Variants in CCDC120 observed in about 807,000 individuals in gnomAD.
CCDC120 encodes coiled-coil domain-containing protein 120.
CCDC120 carries 16 observed loss-of-function variants against 37.6 expected under a neutral mutation model. That is an observed-to-expected ratio of 0.43 (90% CI 0.29 to 0.65). The LOEUF (loss-of-function observed/expected upper bound fraction) is 0.65. Ranked by LOEUF, CCDC120 falls within the 30% of genes least tolerant of loss-of-function variation. The probability of loss-of-function intolerance (pLI) is 0.18; values close to 1 mark genes in which losing one functional copy is unlikely to be tolerated. For missense variants in CCDC120, 650 were observed against 657.4 expected (o/e 0.99, Z 0.12); for synonymous variants, 309 against 275.4 (o/e 1.12, Z -1.21).
chrX:49,067,806 T>A lies in CCDC120; in HGVS notation c.1692T>A (p.His564Gln). 8.4e-7 allele frequency: 1 copy of A among 1,191,328 alleles called. No individual in the cohort carries two copies. Among genetic ancestry groups the A allele is most frequent in the South Asian group, 1.8e-5 (1 of 54,430 alleles). The change falls in exon 10 of 11, where the codon CAT becomes CAA. Residue 564 changes from histidine (H) to glutamine (Q), a missense_variant. Around this residue, in one of 3 missense-constraint regions of CCDC120, gnomAD observed 576 missense variants for 565.3 expected, o/e 1.02. Coordinates refer to ENST00000603986, the MANE Select transcript of CCDC120 (RefSeq NM_001163321.4). ...AGGCTGCCGAAGGCCCTGAGGTGCA[T>A]CCAAACCCTCTGCTGTGGATGCCCC... ...PPEAAEGPEV[H>Q]PNPLLWMPPP...
Position 49,065,764 on chromosome X carries a change from C to T in CCDC120, c.980C>T (p.Pro327Leu), listed in dbSNP as rs1557081017. 8.5e-7 allele frequency: 1 copy of T among 1,173,840 alleles called. No individual in the cohort carries two copies. Among genetic ancestry groups the T allele is most frequent in the Admixed American group, 2.5e-5 (1 of 39,808 alleles). ...CTGTCTAGCCCCACACGCTCGCTGC[C>T]CAGGAGTGCCTCCAGTTTTGAGGGG... ...ASPTSPTRSL[P>L]RSASSFEGRS... is the part of the protein sequence containing the mutation. The change falls in exon 9 of 11, where the codon CCC (proline) becomes CTC (leucine). Residue 327 changes from proline (P) to leucine (L), a missense_variant. Transcript: ENST00000603986.
Position 49,068,871 on chromosome X carries a change from C to T in CCDC120, c.*213C>T. On this transcript the variant is annotated 3_prime_UTR_variant, in exon 11 of 11. Transcript: ENST00000603986. ...TGTGCTGGGGACTGGGGGCCCTCAG[C>T]TAGCTTAAAAGAGGGGGGATGATGT... is the stretch of plus-strand genomic sequence containing the variant. 6.6e-6 allele frequency: 2 copies of T among 303,222 alleles called. No homozygotes were observed. Among genetic ancestry groups the T allele is most frequent in the Non-Finnish European group, 1.1e-5 (2 of 178,846 alleles). 25.0% of individuals were successfully genotyped at this position (303,222 alleles called of 1,213,427 possible). A position where few individuals can be genotyped will look rare whatever the true frequency, so the allele number is the denominator to read the frequency against.
chrX:49,062,613 G>T lies in CCDC120; in HGVS notation c.288+12G>T. The T allele has an allele frequency of 8.3e-7, 1 of 1,203,442 alleles. No individual in the cohort carries two copies. Among genetic ancestry groups the T allele is most frequent in the Non-Finnish European group, 1.1e-6 (1 of 891,932 alleles). On this transcript the variant is annotated intron_variant, in intron 4 of 10. Coordinates refer to ENST00000603986, the MANE Select transcript of CCDC120 (RefSeq NM_001163321.4). ...GTCTCCAGGAGGCGGTGAGGGCCTG[G>T]CCCTAGGGGTATCAGGCGGGGAGGT...
rs1034740179 is a variant in CCDC120, at chrX:49,059,024, C to G, written c.-155C>G. ...ACTGCTGCTGACTGCCACTACCAGC[C>G]GGAGCCAGGGCCTGGTCGAGACAAC... On this transcript the variant is annotated 5_prime_UTR_variant, in exon 1 of 11. Transcript: ENST00000603986. 8.9e-6 allele frequency: 1 copy of G among 112,690 alleles called. No individual in the cohort carries two copies. The allele number at this position is 112,690 out of a possible 1,213,427, so 9.3% of individuals were successfully genotyped here.
chrX:49,068,725 G>A lies in CCDC120; in HGVS notation c.*67G>A, dbSNP rs1362997226. ...ATCTGGGGAGCACACAGCTGACCTC[G>A]CTGGGCCCTGGGGTGTGGTTGCTCT... On this transcript the variant is annotated 3_prime_UTR_variant, in exon 11 of 11. Transcript: ENST00000603986. 7 of 1,005,318 alleles carry A rather than the reference G, an allele frequency of 7.0e-6. No individual in the cohort carries two copies. Among genetic ancestry groups the A allele is most frequent in the South Asian group, 3.2e-5 (1 of 31,409 alleles). The allele number at this position is 1,005,318 out of a possible 1,213,427, so 82.8% of individuals were successfully genotyped here.
rs782385920 is a variant in CCDC120, at chrX:49,064,471, G to T, written c.531G>T (p.Gln177His). The T allele has an allele frequency of 5.1e-6, 6 of 1,179,169 alleles. 1 individual carries two copies. The South Asian group carries it at 9.4e-5, about 18-fold the overall frequency. ...TGGCCCCTGATCTGAGCACCGAGCA[G>T]CGCCGGCGCCGGCGCCAGGTCCAGG... Reference protein sequence around the residue: ...LALAPDLSTEQRRRRRQVQAD... With the variant: ...LALAPDLSTEHRRRRRQVQAD... The change falls in exon 6 of 11, where the codon CAG becomes CAT. Residue 177 changes from glutamine (Q) to histidine (H), a missense_variant. Gln to His is a conservative substitution (Grantham distance 24). Around this residue, in one of 3 missense-constraint regions of CCDC120, gnomAD observed 576 missense variants for 565.3 expected, o/e 1.02. Coordinates refer to ENST00000603986, the MANE Select transcript of CCDC120 (RefSeq NM_001163321.4).
exon 1 of CCDC120, chrX:49,053,593 G>A (rs916957574): frequency 8.8e-6 from 1 of 113,243 alleles, no homozygotes; most frequent in Non-Finnish European, 1.9e-5. Flanking sequence ...TAGGCTGAGC[G>A]GCGGAGGTGG....
intron 9 of CCDC120, among the ~76,000 whole-genome samples, chrX:49,066,069 A>G (rs188459975): frequency 1.8e-4 from 20 of 111,820 alleles, no homozygotes; most frequent in African/African-American, 6.5e-4. Context: ...CTAAAAATAC[A>G]AAAATTAGCT....
rs782812084 is a variant in CCDC120, at chrX:49,065,023, C to A, written c.725-13C>A. 8.3e-7 allele frequency: 1 copy of A among 1,210,241 alleles called. No homozygotes were observed. The highest frequency in any genetic ancestry group is 2.2e-5 in the Admixed American group (1 of 46,012). On this transcript the variant is annotated splice_polypyrimidine_tract_variant and intron_variant, in intron 6 of 10. Transcript: ENST00000603986. ...GGGAGTGAGAGGCCCACTTCTCCCC[C>A]TCTCACCTGTAGAGGACGTAGTTCT...
chrX:49,064,782 C>T (rs2064932917), intron 6 of CCDC120, 118 bp downstream of exon 6: 6 of 882,104 alleles, frequency 6.8e-6, no homozygotes, highest in Admixed American at 3.5e-5. Context: ...TGGCCCAACC[C>T]GTGAGAAGAG....
chrX:49,061,968 G>A lies in CCDC120; in HGVS notation c.-74G>A. ...AATTCTCCTTCCCCAGGCAAGACTC[G>A]TGGCTGTGACCCATGGGCCTCTGAG... On this transcript the variant is annotated 5_prime_UTR_variant, in exon 2 of 11. The change creates a new upstream start codon in the 5' untranslated region. Transcript: ENST00000603986. The A allele has an allele frequency of 8.8e-7, 1 of 1,136,440 alleles. No individual in the cohort carries two copies. Among genetic ancestry groups the A allele is most frequent in the Admixed American group, 2.8e-5 (1 of 35,942 alleles). The allele number at this position is 1,136,440 out of a possible 1,213,427, so 93.7% of individuals were successfully genotyped here.
Position 49,065,022 on chromosome X carries a change from C to T in CCDC120, c.725-14C>T. On this transcript the variant is annotated splice_polypyrimidine_tract_variant and intron_variant, in intron 6 of 10. Transcript: ENST00000603986. ...TGGGAGTGAGAGGCCCACTTCTCCC[C>T]CTCTCACCTGTAGAGGACGTAGTTC... 1.7e-6 allele frequency: 2 copies of T among 1,209,938 alleles called. No individual in the cohort carries two copies. The highest frequency in any genetic ancestry group is 2.2e-6 in the Non-Finnish European group (2 of 894,196).
rs2064898815 is a variant in CCDC120 at position 49,062,593 on chromosome X, C to T, written c.280C>T (p.Gln94Ter). 8.3e-7 allele frequency: 1 copy of T among 1,207,274 alleles called. No homozygotes were observed. The highest frequency in any genetic ancestry group is 1.1e-6 in the Non-Finnish European group (1 of 894,408). ...TCAGGAGCTCCGCAAAGTGTGTCTC[C>T]AGGAGGCGGTGAGGGCCTGGCCCTA... The part of the protein sequence containing the change: ...KLQELRKVCL[Q>*]EAELTGQLPP... The change falls in exon 4 of 11, where the codon CAG becomes TAG. Residue 94 changes from glutamine to a stop codon, truncating the protein, a stop_gained. Transcript: ENST00000603986. LOFTEE classifies it high-confidence loss of function.
chrX:49,068,419 T>C (rs2064985808), intron 10 of CCDC120, 125 bp from the exon 11 acceptor site: 13 of 1,044,398 alleles, frequency 1.2e-5, no homozygotes, highest in Admixed American at 9.3e-5. Flanking sequence ...CTGAAAGTGC[T>C]GTCCTGTGCC....
chrX:49,065,509 G>T lies in CCDC120; in HGVS notation c.843G>T (p.Trp281Cys). 8.3e-7 allele frequency: 1 copy of T among 1,209,952 alleles called. No individual in the cohort carries two copies. The highest frequency in any genetic ancestry group is 1.1e-6 in the Non-Finnish European group (1 of 894,682). The change falls in exon 8 of 11, where the codon TGG (tryptophan) becomes TGT (cysteine). Residue 281 changes from tryptophan (W) to cysteine (C), a missense_variant. By Grantham distance (215) the Trp-to-Cys change is radical. Around this residue, in one of 3 missense-constraint regions of CCDC120, gnomAD observed 576 missense variants for 565.3 expected, o/e 1.02. Transcript: ENST00000603986. ...LAERPSPPKA[W>C]DQLRAVSGGS... ...AGCGCCCCTCACCACCCAAGGCTTG[G>T]GACCAGCTGCGGGCAGTATCTGGGG...
chrX:49,067,267 C>G lies in CCDC120; in HGVS notation c.1153C>G (p.Leu385Val), dbSNP rs1557081519. ...GGACCCTGCCTCCGATCGCGCCTCCCTCTTCGTAGCTCGCACCCGCCGCAG... is the reference window on the plus strand; with the variant it reads ...GGACCCTGCCTCCGATCGCGCCTCCGTCTTCGTAGCTCGCACCCGCCGCAG... ...RADPASDRAS[L>V]FVARTRRSNS... The change falls in exon 10 of 11, where the codon CTC becomes GTC. Residue 385 changes from leucine (L) to valine (V), a missense_variant. Around this residue, in one of 3 missense-constraint regions of CCDC120, gnomAD observed 576 missense variants for 565.3 expected, o/e 1.02. Coordinates refer to ENST00000603986, the MANE Select transcript of CCDC120 (RefSeq NM_001163321.4). 8.3e-7 allele frequency: 1 copy of G among 1,210,892 alleles called. No individual in the cohort carries two copies. Among genetic ancestry groups the G allele is most frequent in the Non-Finnish European group, 1.1e-6 (1 of 895,226 alleles).
rs868941901 is a variant in CCDC120, at chrX:49,063,881, C to T, written c.309C>T (p.Pro103=). The T allele has an allele frequency of 8.3e-7, 1 of 1,207,644 alleles. No homozygotes were observed. Among genetic ancestry groups the T allele is most frequent in the Non-Finnish European group, 1.1e-6 (1 of 893,412 alleles). Residue 103 remains proline, a synonymous_variant, in exon 5 of 11, where the codon CCC becomes CCT. Transcript: ENST00000603986. ...LQEAELTGQL[P]PECPLEPGER... Reference sequence around the variant, plus strand: ...ACCAGGAGCTGACTGGCCAGCTGCCCCCTGAGTGCCCACTAGAGCCTGGTG... The same window carrying T: ...ACCAGGAGCTGACTGGCCAGCTGCCTCCTGAGTGCCCACTAGAGCCTGGTG...
chrX:49,065,054 CAG>C lies in CCDC120; in HGVS notation c.748_749del (p.Ser250GlnfsTer11), dbSNP rs1557080732. The C allele has an allele frequency of 1.7e-6, 2 of 1,209,577 alleles. No individual in the cohort carries two copies. Among genetic ancestry groups the C allele is most frequent in the African/African-American group, 3.5e-5 (2 of 57,083 alleles). On this transcript the variant is annotated frameshift_variant, in exon 7 of 11. Transcript: ENST00000603986. LOFTEE classifies it high-confidence loss of function. ...CCTGTAGAGGACGTAGTTCTGCACT[CAG>C]AGAGCAGCTCCCTCTCAGAGTCTGG...
chrX:49,067,527 C>T lies in CCDC120; in HGVS notation c.1413C>T (p.Leu471=). ...AAPASRGAPR[L]PPVCGDFLLD... ...CTGCCTCCCGAGGTGCCCCCCGGCT[C>T]CCACCTGTGTGTGGAGACTTCCTCT... Residue 471 remains leucine, a synonymous_variant, in exon 10 of 11, where the codon CTC becomes CTT. Coordinates refer to ENST00000603986, the MANE Select transcript of CCDC120 (RefSeq NM_001163321.4). The T allele has an allele frequency of 8.6e-7, 1 of 1,166,246 alleles. No homozygotes were observed. The highest frequency in any genetic ancestry group is 1.1e-6 in the Non-Finnish European group (1 of 870,841).
Sources: gnomAD v4.1 joint callset for allele counts (sites outside exome capture counted in the v4.1 genomes callset) on GRCh38, gnomAD v4.1.1 for gene constraint, gnomAD v4.1.1 regional missense constraint, MANE v1.5 for transcripts, NCBI Gene and HGNC (gene_info 2026-07-23, HGNC 2026-07-21) for gene names.